Variants in CHN2 observed in about 807,000 individuals in gnomAD.
CHN2 encodes chimerin 2, also known as beta-chimaerin.
CHN2 carries 35 observed loss-of-function variants against 56.3 expected under a neutral mutation model. The ratio of observed to expected loss-of-function variants is 0.62; its 90% CI spans 0.47 to 0.82. CHN2 has a LOEUF of 0.82. Among genes scored for constraint, CHN2 ranks in the 40% least tolerant of loss-of-function variants. CHN2 has a pLI of 0.00. For synonymous variants in CHN2, 210 were observed against 212.8 expected (o/e 0.99, Z 0.12); for missense variants, 491 against 580.5 (o/e 0.85, Z 1.58).
chr7:29,378,123 T>C (rs977881880), intron 3 of CHN2, among the ~76,000 whole-genome samples: 2 of 152,246 alleles, frequency 1.3e-5, no homozygotes, highest in African/African-American at 4.8e-5. Context: ...TGATGTTTCA[T>C]CAACACCTTT....
At chr7:29,424,859 C>G (rs995012447) in intron 6 of CHN2, among the ~76,000 whole-genome samples, 2 of 152,192 alleles carry the variant, frequency 1.3e-5, no homozygotes, top group African/African-American at 4.8e-5. Context: ...CTCCTTTACC[C>G]TCTGGCCCCT....
intron 3 of CHN2, among the ~76,000 whole-genome samples, chr7:29,385,313 C>G (rs769558340): frequency 6.6e-6 from 1 of 152,214 alleles, no homozygotes; most frequent in East Asian, 1.9e-4. Context: ...CTTGGGAATA[C>G]TTAACAATTC....
At chr7:29,234,950 G>A (rs562456448) in intron 1 of CHN2, among the ~76,000 whole-genome samples, 1 of 152,122 alleles carries the variant, frequency 6.6e-6, no homozygotes, top group Non-Finnish European at 1.5e-5. Flanking sequence ...AGCATAGGAG[G>A]GGGTATGCTG....
intron 7 of CHN2, 40 bp from the exon 8 acceptor site, chr7:29,495,912 C>T (rs1375743747): frequency 1.1e-5 from 18 of 1,573,758 alleles, no homozygotes; most frequent in Non-Finnish European, 1.4e-5. Context: ...CTTTAAATGA[C>T]TCTGAGCTTT....
rs61569425 is a variant in CHN2 at position 29,398,761 on chromosome 7, ATTTT to A, written c.290+292_290+295del. 4.7e-3 allele frequency among the ~76,000 whole-genome samples: 569 copies of A among 120,290 alleles called. 4 individuals are homozygous for A. Among genetic ancestry groups the A allele is most frequent in the African/African-American group, 0.015 (504 of 33,256 alleles). 78.9% of individuals were successfully genotyped at this position (120,290 alleles called of 152,430 possible). On this transcript the variant is annotated intron_variant, in intron 5 of 12. Coordinates refer to ENST00000222792, the MANE Select transcript of CHN2 (RefSeq NM_004067.4). ...AGGCACACACCACCATGACTGGCTA[ATTTT>A]TTTTTTTTTTTTTTTTGAAGAGAAT...
At chr7:29,293,913 CT>C (rs1792898250) in intron 1 of CHN2, among the ~76,000 whole-genome samples, 1 of 125,210 alleles carries the variant, frequency 8.0e-6, no homozygotes, top group African/African-American at 3.1e-5. Flanking sequence ...GTCGCCCAGG[CT>C]GGACTGCAGC....
chr7:29,187,535 C>A (rs1798865310), intron 2 of CHN2, among the ~76,000 whole-genome samples: 1 of 152,018 alleles, frequency 6.6e-6, no homozygotes, highest in Admixed American at 6.5e-5. Flanking sequence ...ACCAGCCTAG[C>A]CAACATGGAG....
chr7:29,255,391 C>T (rs774475614), intron 1 of CHN2, among the ~76,000 whole-genome samples: 7 of 152,044 alleles, frequency 4.6e-5, no homozygotes, highest in Non-Finnish European at 8.8e-5. Context: ...AATCTTGGGG[C>T]GTGGGAAGGA....
chr7:29,152,468 TAAC>T (rs925469409), intron 2 of CHN2, among the ~76,000 whole-genome samples: 16 of 152,162 alleles, frequency 1.1e-4, no homozygotes, highest in African/African-American at 3.4e-4. Flanking sequence ...ATGGAAGTCA[TAAC>T]AACTTACCCA....
intron 6 of CHN2, among the ~76,000 whole-genome samples, chr7:29,471,355 A>G (rs1156561577): frequency 6.6e-6 from 1 of 152,196 alleles, no homozygotes; most frequent in South Asian, 2.1e-4. Flanking sequence ...TTCTATATCT[A>G]AAAAGTCTGT....
chr7:29,270,611 T>A (rs1178524668), intron 1 of CHN2, among the ~76,000 whole-genome samples: 2 of 151,636 alleles, frequency 1.3e-5, no homozygotes, highest in Admixed American at 6.6e-5. Context: ...TTGTATTGAG[T>A]CAAGATCATG....
chr7:29,227,455 TG>T (rs1308874193), intron 1 of CHN2, among the ~76,000 whole-genome samples: 2 of 152,218 alleles, frequency 1.3e-5, no homozygotes, highest in Non-Finnish European at 2.9e-5. Context: ...AATTTTCTTA[TG>T]GTGCCCACTT....
At chr7:29,312,470 A>G (rs1794672484) in intron 1 of CHN2, among the ~76,000 whole-genome samples, 1 of 152,222 alleles carries the variant, frequency 6.6e-6, no homozygotes, top group Non-Finnish European at 1.5e-5. Context: ...ACCACATGCC[A>G]TAGATTTTGT....
intron 2 of CHN2, among the ~76,000 whole-genome samples, chr7:29,166,194 T>G (rs1056558623): frequency 1.3e-5 from 2 of 150,816 alleles, no homozygotes; most frequent in African/African-American, 2.4e-5. Flanking sequence ...CCACATCCAG[T>G]TTTTTTTTGT....
chr7:29,416,834 G>T (rs540834211), intron 6 of CHN2, among the ~76,000 whole-genome samples: 4 of 152,324 alleles, frequency 2.6e-5, no homozygotes, highest in African/African-American at 9.6e-5. Flanking sequence ...GACTCTCATA[G>T]AATATAAGCA....
chr7:29,337,680 A>G (rs1205385875), intron 1 of CHN2, among the ~76,000 whole-genome samples: 2 of 152,192 alleles, frequency 1.3e-5, no homozygotes, highest in Non-Finnish European at 2.9e-5. Context: ...CATGGAAGTG[A>G]TAAATGCATG....
chr7:29,377,545 T>C (rs773327948), intron 3 of CHN2, among the ~76,000 whole-genome samples: 1 of 152,242 alleles, frequency 6.6e-6, no homozygotes, highest in Non-Finnish European at 1.5e-5. Context: ...TTTTCCAAGA[T>C]GCTAGTTTCT....
chr7:29,151,585 A>T (rs1793601796), intron 2 of CHN2, among the ~76,000 whole-genome samples: 1 of 152,138 alleles, frequency 6.6e-6, no homozygotes, highest in Admixed American at 6.5e-5. Flanking sequence ...AACACTTTTT[A>T]TATATATCAT....
intron 2 of CHN2, among the ~76,000 whole-genome samples, chr7:29,360,019 C>A (rs1798602539): frequency 6.6e-6 from 1 of 152,178 alleles, no homozygotes; most frequent in African/African-American, 2.4e-5. Flanking sequence ...GCATCAGAAT[C>A]CCTTGGGGAG....
Sources: gnomAD v4.1 joint callset for allele counts (sites outside exome capture counted in the v4.1 genomes callset) on GRCh38, gnomAD v4.1.1 for gene constraint, MANE v1.5 for transcripts, NCBI Gene and HGNC (gene_info 2026-07-23, HGNC 2026-07-21) for gene names.